TMEM131L: variants seen among roughly 807,000 people sequenced by gnomAD.
The protein encoded by TMEM131L is transmembrane protein 131-like.
TMEM131L carries 54 observed loss-of-function variants against 192.2 expected under a neutral mutation model. That is an observed-to-expected ratio of 0.28 (90% CI 0.23 to 0.35). The LOEUF (loss-of-function observed/expected upper bound fraction) is 0.35. TMEM131L is among the 10% of genes least tolerant of loss of function. The pLI is 1.00. For synonymous variants in TMEM131L, 701 were observed against 704.9 expected (o/e 0.99, Z 0.09); for missense variants, 1,888 against 1,972.9 (o/e 0.96, Z 0.82).
chr4:153,584,020 T>A (rs950168426), intron 11 of TMEM131L, among the ~76,000 whole-genome samples: 1 of 152,252 alleles, frequency 6.6e-6, no homozygotes, highest in African/African-American at 2.4e-5. Context: ...ACATATTTAC[T>A]CTTTGATCCT....
intron 13 of TMEM131L, among the ~76,000 whole-genome samples, chr4:153,585,863 C>T (rs1730667896): frequency 6.6e-6 from 1 of 151,948 alleles, no homozygotes; most frequent in Admixed American, 6.6e-5. Flanking sequence ...AGGATATAGC[C>T]TTTCAAAATT....
intron 25 of TMEM131L, among the ~76,000 whole-genome samples, chr4:153,604,784 G>A (rs6825033): frequency 0.31 from 46,481 of 151,912 alleles, 7,909 homozygotes; most frequent in African/African-American, 0.46. Context: ...GGCTCACTGT[G>A]ACCTCCGCCT....
chr4:153,550,067 T>G lies in TMEM131L; in HGVS notation c.240-6T>G. ...AACAAAATCAACCTCTCTTTTCTTTTTTTAGCTTCTCGGACAAACTATTTA... is the reference window on the plus strand; with the variant it reads ...AACAAAATCAACCTCTCTTTTCTTTGTTTAGCTTCTCGGACAAACTATTTA... On this transcript the variant is annotated splice_region_variant and splice_polypyrimidine_tract_variant and intron_variant, in intron 3 of 34. Transcript: ENST00000409959. 6.9e-7 allele frequency: 1 copy of G among 1,448,962 alleles called. No homozygotes were observed. Among genetic ancestry groups the G allele is most frequent in the Non-Finnish European group, 9.2e-7 (1 of 1,084,936 alleles). The allele number at this position is 1,448,962 out of a possible 1,614,324, so 89.8% of individuals were successfully genotyped here. A position where few individuals can be genotyped will look rare whatever the true frequency, so the allele number is the denominator to read the frequency against.
chr4:153,483,832 G>GTAT (rs1272332880), intron 3 of TMEM131L, among the ~76,000 whole-genome samples: 1 of 152,106 alleles, frequency 6.6e-6, no homozygotes, highest in Non-Finnish European at 1.5e-5. Flanking sequence ...TAGAGAGTCA[G>GTAT]GTATAAGCTG....
chr4:153,580,262 T>C (rs934625855), intron 7 of TMEM131L, among the ~76,000 whole-genome samples: 1 of 152,236 alleles, frequency 6.6e-6, no homozygotes, highest in African/African-American at 2.4e-5. Context: ...GAGTCTTGCA[T>C]TCTTTTTATA....
Position 153,532,080 on chromosome 4 carries a change from G to T in TMEM131L, c.240-17993G>T, listed in dbSNP as rs151057537. On this transcript the variant is annotated intron_variant, in intron 3 of 34. Transcript: ENST00000409959. ...GTCCTTGTAGCAGCAGGGGTTATAT[G>T]TCAAATGGATCTCCACTGAAGGCCA... Among the ~76,000 whole-genome samples the T allele has an allele frequency of 3.7e-3, 559 of 152,316 alleles. 4 individuals carry two copies. Among genetic ancestry groups the T allele is most frequent in the African/African-American group, 0.013 (535 of 41,562 alleles).
In TMEM131L at chr4:153,570,916, T is replaced by A. The variant is rs560939913; in HGVS notation, c.661-9910T>A. ...AGGGCCTAGTGGTGATAGTTCCTTC[T>A]TTTTCTGTGTTAGTCGGCTGTTCCC... On this transcript the variant is annotated intron_variant, in intron 7 of 34. Transcript: ENST00000409959. Among the ~76,000 whole-genome samples the A allele has an allele frequency of 3.4e-4, 52 of 152,312 alleles. 1 individual carries two copies. The highest frequency in any genetic ancestry group is 1.3e-3 in the African/African-American group (52 of 41,552).
intron 3 of TMEM131L, among the ~76,000 whole-genome samples, chr4:153,516,061 A>G (rs563056662): frequency 6.6e-6 from 1 of 152,038 alleles, no homozygotes; most frequent in Admixed American, 6.5e-5. Flanking sequence ...ACGTTAGATT[A>G]ATTGTATTTT....
chr4:153,497,019 C>A (rs1012357969), intron 3 of TMEM131L, among the ~76,000 whole-genome samples: 6 of 152,044 alleles, frequency 3.9e-5, no homozygotes, highest in Middle Eastern at 3.4e-3. Flanking sequence ...TGCCCTCATG[C>A]CCAGCTAGTT....
chr4:153,532,330 A>G (rs1320741276), intron 3 of TMEM131L, among the ~76,000 whole-genome samples: 2 of 151,558 alleles, frequency 1.3e-5, no homozygotes, highest in Non-Finnish European at 1.5e-5. Context: ...GTATGGGTAC[A>G]TGTGTGAGAA....
intron 28 of TMEM131L, among the ~76,000 whole-genome samples, chr4:153,622,150 G>A (rs1444027232): frequency 2.6e-5 from 4 of 152,168 alleles, no homozygotes; most frequent in Non-Finnish European, 5.9e-5. Flanking sequence ...TGGTGAAAGG[G>A]GGGAGTAGCC....
chr4:153,518,828 C>T (rs1186539365), intron 3 of TMEM131L, among the ~76,000 whole-genome samples: 15 of 152,232 alleles, frequency 9.9e-5, no homozygotes, highest in Admixed American at 2.6e-4. Context: ...CTTGTGACTC[C>T]GGGGGACACG....
intron 3 of TMEM131L, among the ~76,000 whole-genome samples, chr4:153,493,404 T>C (rs938995339): frequency 6.7e-6 from 1 of 149,008 alleles, no homozygotes; most frequent in Non-Finnish European, 1.5e-5. Context: ...CTCACACCTG[T>C]AATCCCAGCA....
At chr4:153,514,414 A>G (rs193121240) in intron 3 of TMEM131L, among the ~76,000 whole-genome samples, 2 of 152,348 alleles carry the variant, frequency 1.3e-5, no homozygotes, top group African/African-American at 4.8e-5. Flanking sequence ...AAATGAGTCA[A>G]CAATGCATGG....
chr4:153,609,680 C>G (rs988937658), intron 25 of TMEM131L, among the ~76,000 whole-genome samples: 2 of 152,142 alleles, frequency 1.3e-5, no homozygotes, highest in Non-Finnish European at 2.9e-5. Context: ...TGGTTTTGTA[C>G]TGGCTATTAA....
At chr4:153,525,696 G>A (rs1323417120) in intron 3 of TMEM131L, among the ~76,000 whole-genome samples, 1 of 152,006 alleles carries the variant, frequency 6.6e-6, no homozygotes, top group Non-Finnish European at 1.5e-5. Context: ...AAGTCTAACT[G>A]ATTCTTCTCA....
Position 153,632,836 on chromosome 4 carries a change from T to C in TMEM131L, c.4326T>C (p.Asn1442=). The C allele has an allele frequency of 1.2e-6, 2 of 1,614,150 alleles. No homozygotes were observed. The highest frequency in any genetic ancestry group is 1.7e-6 in the Non-Finnish European group (2 of 1,180,002). The change falls in exon 32 of 35, where the codon AAT becomes AAC. Residue 1442 remains asparagine, a splice_region_variant and synonymous_variant. Coordinates refer to ENST00000409959, the MANE Select transcript of TMEM131L (RefSeq NM_001131007.2). ...TTCAGGAGTCGGCCCCGGTTCATAATAGGTACAGCTTCACTTCTCTGATTG... is the reference window on the plus strand; with the variant it reads ...TTCAGGAGTCGGCCCCGGTTCATAACAGGTACAGCTTCACTTCTCTGATTG... ...CVIQESAPVH[N]SFIDWSATCE... is the part of the protein sequence containing the mutation.
At chr4:153,627,797 TC>T (rs1057461924) in intron 31 of TMEM131L, 110 bp downstream of exon 31, 40 of 791,630 alleles carry the variant, frequency 5.1e-5, no homozygotes, top group Non-Finnish European at 8.1e-5. Flanking sequence ...CAGGGCCATT[TC>T]CCCACCAGCC....
chr4:153,634,686 A>T (rs1314134677), intron 33 of TMEM131L, among the ~76,000 whole-genome samples: 4 of 152,130 alleles, frequency 2.6e-5, no homozygotes, highest in African/African-American at 9.7e-5. Flanking sequence ...TATGTCCTTA[A>T]CTTCTCTGCC....
Sources: allele counts gnomAD v4.1 joint callset (sites outside exome capture counted in the v4.1 genomes callset), GRCh38; gene constraint gnomAD v4.1.1; transcripts MANE v1.5; gene names NCBI Gene and HGNC (gene_info 2026-07-23, HGNC 2026-07-21).